ZDHHC2: variants seen among roughly 807,000 people sequenced by gnomAD.
The protein encoded by ZDHHC2 is palmitoyltransferase ZDHHC2.
A neutral mutation model predicts 55.6 loss-of-function variants in ZDHHC2; 51 were observed. The ratio of observed to expected loss-of-function variants is 0.92; its 90% CI spans 0.73 to 1.16. The LOEUF (loss-of-function observed/expected upper bound fraction) is 1.16, where lower values mean the gene tolerates loss of function less well. Ranked by LOEUF, ZDHHC2 falls within the 50% of genes most tolerant of loss-of-function variation. The probability of loss-of-function intolerance (pLI) is 0.00; values close to 1 mark genes in which losing one functional copy is unlikely to be tolerated. For missense variants in ZDHHC2, 491 were observed against 442.4 expected (o/e 1.11, Z -0.99); for synonymous variants, 199 against 152.9 (o/e 1.30, Z -2.22).
At chr8:17,167,889 C>T (rs1804682358) in intron 1 of ZDHHC2, among the ~76,000 whole-genome samples, 1 of 151,984 alleles carries the variant, frequency 6.6e-6, no homozygotes, top group South Asian at 2.1e-4. Context: ...ACTCCAACAG[C>T]ATTGCCTAGA....
chr8:17,156,534 A>C lies in ZDHHC2; in HGVS notation c.-190A>C, dbSNP rs1316714233. 1 of 227,992 alleles carries C rather than the reference A, an allele frequency of 4.4e-6. No homozygotes were observed. The highest frequency in any genetic ancestry group is 7.3e-6 in the Non-Finnish European group (1 of 137,562). The allele number at this position is 227,992 out of a possible 1,614,324, so 14.1% of individuals were successfully genotyped here. On this transcript the variant is annotated 5_prime_UTR_variant, in exon 1 of 13. Transcript: ENST00000262096. ...CGCCTCCGCCTCCGCCGGGCTGAGG[A>C]GCCGGGAGTCCGCCGCGCCGGCTCG... is the stretch of plus-strand genomic sequence containing the variant.
chr8:17,163,992 T>C (rs1372614554), intron 1 of ZDHHC2, among the ~76,000 whole-genome samples: 2 of 152,190 alleles, frequency 1.3e-5, no homozygotes, highest in East Asian at 3.9e-4. Context: ...GATTGTTGTT[T>C]CAATCAAATG....
intron 6 of ZDHHC2, among the ~76,000 whole-genome samples, chr8:17,202,345 A>G (rs1030622356): frequency 1.3e-5 from 2 of 152,108 alleles, no homozygotes; most frequent in Non-Finnish European, 1.5e-5. Context: ...GGGGAAAAAA[A>G]TGAGTCTCAG....
rs1554465951 is a variant in ZDHHC2, at chr8:17,199,494, T to TCTTCG, written c.476+1081_476+1082insCTTCG. ...CTTCTTCTTCTTCTTCTTCTTCTTC[T>TCTTCG]TCTTCTTCTTCTTCTTCTTCGTCTT... On this transcript the variant is annotated intron_variant, in intron 6 of 12. Transcript: ENST00000262096. Among the ~76,000 whole-genome samples the TCTTCG allele has an allele frequency of 3.7e-4, 39 of 105,526 alleles. 2 individuals are homozygous for TCTTCG. Among genetic ancestry groups the TCTTCG allele is most frequent in the East Asian group, 7.7e-4 (2 of 2,612 alleles). 69.2% of individuals were successfully genotyped at this position (105,526 alleles called of 152,430 possible). A position where few individuals can be genotyped will look rare whatever the true frequency, so the allele number is the denominator to read the frequency against.
rs867833081 is a variant in ZDHHC2 at position 17,223,348 on chromosome 8, C to T, written c.*3127C>T. 1.3e-4 allele frequency: 19 copies of T among 151,876 alleles called. No homozygotes were observed. The highest frequency in any genetic ancestry group is 4.6e-4 in the African/African-American group (19 of 41,446). The allele number at this position is 151,876 out of a possible 1,614,324, so 9.4% of individuals were successfully genotyped here. On this transcript the variant is annotated 3_prime_UTR_variant, in exon 13 of 13. Transcript: ENST00000262096. ...TCCTCCAGCACAACCATCCCACCCACACACCTAGACTACAGATTCTGATCT... is the reference window on the plus strand; with the variant it reads ...TCCTCCAGCACAACCATCCCACCCATACACCTAGACTACAGATTCTGATCT...
rs529993470 is a variant in ZDHHC2 at position 17,184,808 on chromosome 8, C to T, written c.150C>T (p.Gly50=). 4.8e-5 allele frequency: 74 copies of T among 1,549,130 alleles called. No individual in the cohort carries two copies. Among genetic ancestry groups the T allele is most frequent in the Middle Eastern group, 3.3e-4 (2 of 5,976 alleles). ...TTACAGTGTCCATGGAAAACACTGGCGAACAAGGTAAGCTAGATTATATTA... is the reference window on the plus strand; with the variant it reads ...TTACAGTGTCCATGGAAAACACTGGTGAACAAGGTAAGCTAGATTATATTA... ...QLCIVSMENT[G]EQVVCLMAYH... is the part of the protein sequence containing the mutation. The change falls in exon 2 of 13, where the codon GGC becomes GGT. Residue 50 remains glycine (G), a synonymous_variant. Coordinates refer to ENST00000262096, the MANE Select transcript of ZDHHC2 (RefSeq NM_016353.5).
At chr8:17,191,601 A>G (rs927946466) in intron 3 of ZDHHC2, among the ~76,000 whole-genome samples, 5 of 152,230 alleles carry the variant, frequency 3.3e-5, no homozygotes, top group Non-Finnish European at 7.3e-5. Flanking sequence ...TTTACTTAAC[A>G]TAATGACCTC....
At chr8:17,195,739 G>A (rs1324496322) in intron 4 of ZDHHC2, 115 bp downstream of exon 4, 46 of 1,381,960 alleles carry the variant, frequency 3.3e-5, no homozygotes, top group Non-Finnish European at 4.5e-5. Context: ...AGAATGCTGT[G>A]TTATTTCTTG....
intron 1 of ZDHHC2, among the ~76,000 whole-genome samples, chr8:17,159,581 A>G (rs1292618692): frequency 6.6e-6 from 1 of 152,208 alleles, no homozygotes; most frequent in African/African-American, 2.4e-5. Flanking sequence ...ACGTGGATGT[A>G]TGTGGCTCTC....
chr8:17,168,143 C>T (rs1286510842), intron 1 of ZDHHC2, among the ~76,000 whole-genome samples: 1 of 152,136 alleles, frequency 6.6e-6, no homozygotes, highest in Non-Finnish European at 1.5e-5. Flanking sequence ...GAGGATTTTA[C>T]ATTCTCTTTC....
intron 3 of ZDHHC2, among the ~76,000 whole-genome samples, chr8:17,187,118 G>A (rs1455891976): frequency 2.0e-5 from 3 of 152,230 alleles, no homozygotes; most frequent in East Asian, 3.8e-4. Context: ...AGGGGGGAGT[G>A]TAGCCTTTCT....
At chr8:17,203,449 G>A (rs530771639) in intron 6 of ZDHHC2, among the ~76,000 whole-genome samples, 2 of 152,116 alleles carry the variant, frequency 1.3e-5, no homozygotes, top group South Asian at 4.1e-4. Flanking sequence ...TGCCAGGCTG[G>A]TCTTGAACTG....
Position 17,186,312 on chromosome 8 carries a change from T to A in ZDHHC2, c.158-19T>A. 1 of 1,503,746 alleles carries A rather than the reference T, an allele frequency of 6.7e-7. No homozygotes were observed. 93.2% of individuals were successfully genotyped at this position (1,503,746 alleles called of 1,614,324 possible). A position where few individuals can be genotyped will look rare whatever the true frequency, so the allele number is the denominator to read the frequency against. Reference sequence around the variant, plus strand: ...TGTATTTGCATATTATAATGATAATTATGTTTTTCTCATTTTAGTTGTGTG... The same window carrying A: ...TGTATTTGCATATTATAATGATAATAATGTTTTTCTCATTTTAGTTGTGTG... On this transcript the variant is annotated intron_variant, in intron 2 of 12. Coordinates refer to ENST00000262096, the MANE Select transcript of ZDHHC2 (RefSeq NM_016353.5).
intron 1 of ZDHHC2, among the ~76,000 whole-genome samples, chr8:17,180,944 T>G (rs1447424479): frequency 6.6e-6 from 1 of 152,220 alleles, no homozygotes; most frequent in Non-Finnish European, 1.5e-5. Context: ...TGAAGCCCAG[T>G]TGAAGCCAGT....
At position 17,221,180 on chromosome 8, in the gene ZDHHC2, G is replaced by T. The variant is rs1411534113; in HGVS notation, c.*959G>T. 1 of 152,328 alleles carries T rather than the reference G, an allele frequency of 6.6e-6. No individual in the cohort carries two copies. The highest frequency in any genetic ancestry group is 1.5e-5 in the Non-Finnish European group (1 of 67,940). 9.4% of individuals were successfully genotyped at this position (152,328 alleles called of 1,614,324 possible). On this transcript the variant is annotated 3_prime_UTR_variant, in exon 13 of 13. Coordinates refer to ENST00000262096, the MANE Select transcript of ZDHHC2 (RefSeq NM_016353.5). ...TCTCGTCTCATCAAAATGATGACAG[G>T]TAAACTATATTTTTCCTTAAACACC...
intron 6 of ZDHHC2, among the ~76,000 whole-genome samples, chr8:17,199,337 T>TGCCCCCTTCGTACTAATTGATACTTGCA (rs1284239109): frequency 7.2e-5 from 11 of 152,108 alleles, no homozygotes; most frequent in Non-Finnish European, 1.6e-4. Flanking sequence ...TTCTTAAAGG[T>TGCCCCCTTCGTACTAATTGATACTTGCA]CTCAATAAAT....
At chr8:17,216,332 T>C (rs1347133370) in intron 11 of ZDHHC2, among the ~76,000 whole-genome samples, 1 of 152,176 alleles carries the variant, frequency 6.6e-6, no homozygotes, top group Non-Finnish European at 1.5e-5. Context: ...TTTAATATAT[T>C]ATCAGTCATC....
Position 17,156,645 on chromosome 8 carries a change from G to A in ZDHHC2, c.-79G>A, listed in dbSNP as rs1265444891. 392 of 1,104,448 alleles carry A rather than the reference G, an allele frequency of 3.5e-4. No individual in the cohort carries two copies. Among genetic ancestry groups the A allele is most frequent in the Non-Finnish European group, 4.2e-4 (384 of 905,042 alleles). 68.4% of individuals were successfully genotyped at this position (1,104,448 alleles called of 1,614,324 possible). On this transcript the variant is annotated 5_prime_UTR_variant, in exon 1 of 13. Transcript: ENST00000262096. ...CCGCCCAGGAGCCCGTCCAGCCAGG[G>A]GTGCCGGGCCCGCCCAGCCCGCCCC...
At chr8:17,210,269 A>C (rs978805433) in intron 9 of ZDHHC2, 119 bp from the exon 10 acceptor site, 2 of 1,114,782 alleles carry the variant, frequency 1.8e-6, no homozygotes, top group Non-Finnish European at 2.5e-6. Context: ...TCAATGTCTA[A>C]TACACATTTT....
Sources: allele counts gnomAD v4.1 joint callset (sites outside exome capture counted in the v4.1 genomes callset), GRCh38; gene constraint gnomAD v4.1.1; transcripts MANE v1.5; gene names NCBI Gene and HGNC (gene_info 2026-07-23, HGNC 2026-07-21).